VGLL3: variants seen among roughly 807,000 people sequenced by gnomAD.
The protein encoded by VGLL3 is vestigial like family member 3.
In VGLL3, 18 loss-of-function variants were observed where a neutral mutation model predicts 29.2. The observed-to-expected ratio is 0.62, with a 90% CI of 0.43 to 0.91. The LOEUF is 0.91. Ranked by LOEUF, VGLL3 falls within the 40% of genes least tolerant of loss-of-function variation. VGLL3 has a pLI of 0.00. For missense variants in VGLL3, 440 were observed against 413.2 expected, an observed-to-expected ratio of 1.06 and a Z score of -0.56; for synonymous variants, 180 against 151.8, an observed-to-expected ratio of 1.19 and a Z score of -1.36.
At position 86,943,680 on chromosome 3, in the gene VGLL3, GGGTGC is replaced by G. The variant is rs1704445041; in HGVS notation, c.*3339_*3343del. 2 of 152,192 alleles carry G rather than the reference GGGTGC, an allele frequency of 1.3e-5. No individual in the cohort carries two copies. Among genetic ancestry groups the G allele is most frequent in the African/African-American group, 4.8e-5 (2 of 41,522 alleles). 9.4% of individuals were successfully genotyped at this position (152,192 alleles called of 1,614,324 possible). A position where few individuals can be genotyped will look rare whatever the true frequency, so the allele number is the denominator to read the frequency against. On this transcript the variant is annotated 3_prime_UTR_variant, in exon 4 of 4. Coordinates refer to ENST00000398399, the MANE Select transcript of VGLL3 (RefSeq NM_016206.4). ...GCAAATAGAGGGGAAAGTTAAGAGAGGGTGCTTAACTTTCTTAAGAAGACACATTG... is the reference window on the plus strand; with the variant it reads ...GCAAATAGAGGGGAAAGTTAAGAGAGTTAACTTTCTTAAGAAGACACATTG...
chr3:86,948,217 CAT>C (rs760011106), intron 3 of VGLL3, among the ~76,000 whole-genome samples: 40 of 152,248 alleles, frequency 2.6e-4, no homozygotes, highest in African/African-American at 4.6e-4. Flanking sequence ...ACTCTTTAAA[CAT>C]GTGTGTAGAA....
chr3:86,949,464 A>G (rs1704569836), intron 3 of VGLL3, among the ~76,000 whole-genome samples: 1 of 152,180 alleles, frequency 6.6e-6, no homozygotes, highest in Non-Finnish European at 1.5e-5. Flanking sequence ...AAATCTCAAA[A>G]TAGGCATATG....
chr3:86,990,792 G>C lies in VGLL3; in HGVS notation c.-49C>G. ...CCGAGCTGCCGCCGCCGCTCTACGC[G>C]CTGGCGCGAGGGGCGCGGGCGCCGC... On this transcript the variant is annotated 5_prime_UTR_variant, in exon 1 of 4. Transcript: ENST00000398399. 8.0e-7 allele frequency: 1 copy of C among 1,253,396 alleles called. No homozygotes were observed. Among genetic ancestry groups the C allele is most frequent in the Non-Finnish European group, 1.0e-6 (1 of 994,112 alleles). 77.6% of individuals were successfully genotyped at this position (1,253,396 alleles called of 1,614,324 possible).
Position 86,946,132 on chromosome 3 carries a change from A to G in VGLL3, c.*892T>C, listed in dbSNP as rs1704501111. The G allele has an allele frequency of 6.6e-6, 1 of 152,146 alleles. No individual in the cohort carries two copies. Among genetic ancestry groups the G allele is most frequent in the Non-Finnish European group, 1.5e-5 (1 of 68,012 alleles). The allele number at this position is 152,146 out of a possible 1,614,324, so 9.4% of individuals were successfully genotyped here. On this transcript the variant is annotated 3_prime_UTR_variant, in exon 4 of 4. Transcript: ENST00000398399. ...TATATAACCTCTGGTTCCATTTATC[A>G]AATTTGGATGGGCTAGAAAGAGAAT...
At position 86,941,732 on chromosome 3, in the gene VGLL3, C is replaced by T. The variant is rs927970498; in HGVS notation, c.*5292G>A. ...AGTTGAGATACTTTAACAATAATGA[C>T]GATTTCTGTAGGTTGTAAAAGTGTA... On this transcript the variant is annotated 3_prime_UTR_variant, in exon 4 of 4. Transcript: ENST00000398399. The T allele has an allele frequency of 1.3e-5, 2 of 151,710 alleles. No homozygotes were observed. The highest frequency in any genetic ancestry group is 2.4e-5 in the African/African-American group (1 of 41,294). 9.4% of individuals were successfully genotyped at this position (151,710 alleles called of 1,614,324 possible).
rs534179229 is a variant in VGLL3, at chr3:86,955,867, T to TA, written c.938-8801dup. Among the ~76,000 whole-genome samples, 68 of 152,260 alleles carry TA rather than the reference T, an allele frequency of 4.5e-4. 1 individual carries two copies. The South Asian group carries it at 0.012, about 28-fold the overall frequency. ...TAAACACTATAACACATACTTGTGT[T>TA]AAAAAAATTATGAATTAAGTCCCCA... On this transcript the variant is annotated intron_variant, in intron 3 of 3. Coordinates refer to ENST00000398399, the MANE Select transcript of VGLL3 (RefSeq NM_016206.4).
chr3:86,976,353 C>T (rs1028272179), intron 2 of VGLL3, among the ~76,000 whole-genome samples: 1 of 152,178 alleles, frequency 6.6e-6, no homozygotes, highest in African/African-American at 2.4e-5. Context: ...TTTGTTATCA[C>T]CTTATGTAAA....
rs1704411015 is a variant in VGLL3 at position 86,942,060 on chromosome 3, T to C, written c.*4964A>G. ...TGATTTTAATAACAGTTTCAATGCTTTAATAATAGATTTAAAGGGCACTTT... is the reference window on the plus strand; with the variant it reads ...TGATTTTAATAACAGTTTCAATGCTCTAATAATAGATTTAAAGGGCACTTT... On this transcript the variant is annotated 3_prime_UTR_variant, in exon 4 of 4. Transcript: ENST00000398399. 6.6e-6 allele frequency: 1 copy of C among 152,166 alleles called. No homozygotes were observed. The highest frequency in any genetic ancestry group is 1.5e-5 in the Non-Finnish European group (1 of 68,024). The allele number at this position is 152,166 out of a possible 1,614,324, so 9.4% of individuals were successfully genotyped here.
chr3:86,984,242 T>A (rs1216916792), intron 1 of VGLL3, among the ~76,000 whole-genome samples: 1 of 152,218 alleles, frequency 6.6e-6, no homozygotes, highest in Non-Finnish European at 1.5e-5. Flanking sequence ...GAAAATCTTA[T>A]TTTGGAAATT....
intron 3 of VGLL3, among the ~76,000 whole-genome samples, chr3:86,960,690 G>A (rs776827452): frequency 2.0e-5 from 3 of 151,912 alleles, no homozygotes; most frequent in Non-Finnish European, 4.4e-5. Context: ...GATTTCACTT[G>A]TATCTAAAGG....
chr3:86,952,709 G>T lies in VGLL3; in HGVS notation c.938-5642C>A, dbSNP rs182974560. 2.4e-3 allele frequency among the ~76,000 whole-genome samples: 365 copies of T among 152,166 alleles called. 1 individual carries two copies. Among genetic ancestry groups the T allele is most frequent in the African/African-American group, 8.5e-3 (351 of 41,534 alleles). ...GTAACATTTCTATATTTAAAAAATA[G>T]ATCTCCCCTTTCATCCATCCTTTAA... On this transcript the variant is annotated intron_variant, in intron 3 of 3. Coordinates refer to ENST00000398399, the MANE Select transcript of VGLL3 (RefSeq NM_016206.4).
At chr3:86,988,513 CTT>C (rs1705498774) in intron 1 of VGLL3, among the ~76,000 whole-genome samples, 1 of 151,122 alleles carries the variant, frequency 6.6e-6, no homozygotes, top group South Asian at 2.1e-4. Context: ...GATTTACTCT[CTT>C]TTCCAATAGA....
intron 1 of VGLL3, among the ~76,000 whole-genome samples, chr3:86,985,615 C>A (rs956313665): frequency 6.6e-6 from 1 of 152,102 alleles, no homozygotes; most frequent in African/African-American, 2.4e-5. Context: ...TGGTTCAAGG[C>A]AGTCTTAGGT....
At chr3:86,956,437 C>G (rs1704723512) in intron 3 of VGLL3, among the ~76,000 whole-genome samples, 1 of 152,182 alleles carries the variant, frequency 6.6e-6, no homozygotes, top group Non-Finnish European at 1.5e-5. Context: ...GATGACAACT[C>G]CTTTAAGAAA....
intron 2 of VGLL3, among the ~76,000 whole-genome samples, chr3:86,970,483 G>GCACGCACA (rs71619522): frequency 5.0e-5 from 7 of 141,200 alleles, no homozygotes; most frequent in African/African-American, 1.1e-4. Flanking sequence ...TTACACACAC[G>GCACGCACA]CACACACACA....
At chr3:86,980,809 A>G (rs1409310410) in intron 1 of VGLL3, among the ~76,000 whole-genome samples, 1 of 151,882 alleles carries the variant, frequency 6.6e-6, no homozygotes, top group Non-Finnish European at 1.5e-5. Context: ...TCTGCTGAAT[A>G]TTCGGGCACA....
intron 3 of VGLL3, among the ~76,000 whole-genome samples, chr3:86,950,789 T>A (rs1704601557): frequency 6.6e-6 from 1 of 152,346 alleles, no homozygotes; most frequent in African/African-American, 2.4e-5. Context: ...TCTCTCTATA[T>A]GTATCTTTAA....
intron 3 of VGLL3, among the ~76,000 whole-genome samples, chr3:86,952,060 C>G (rs1344009597): frequency 2.0e-5 from 3 of 152,100 alleles, no homozygotes; most frequent in African/African-American, 7.2e-5. Context: ...AAAAAGCAGA[C>G]AACAACTTAT....
chr3:86,949,938 C>CAT (rs1704584229), intron 3 of VGLL3, among the ~76,000 whole-genome samples: 1 of 151,726 alleles, frequency 6.6e-6, no homozygotes, highest in African/African-American at 2.4e-5. Context: ...TCAACAAGTA[C>CAT]ATTTAGTTTT....
Sources: gnomAD v4.1 joint callset for allele counts (sites outside exome capture counted in the v4.1 genomes callset) on GRCh38, gnomAD v4.1.1 for gene constraint, MANE v1.5 for transcripts, NCBI Gene and HGNC (gene_info 2026-07-23, HGNC 2026-07-21) for gene names.